The following FAM193A variants were observed in gnomAD, a reference collection of about 807,000 sequenced individuals.
FAM193A encodes the protein protein FAM193A.
Under a neutral mutation model 126.5 loss-of-function variants are expected in FAM193A, and 22 were observed. That is an observed-to-expected ratio of 0.17 (90% CI 0.12 to 0.25). FAM193A has a LOEUF of 0.25. Among genes scored for constraint, FAM193A ranks in the 10% least tolerant of loss-of-function variants. The pLI is 1.00. For missense variants in FAM193A, 1,675 were observed against 1,672.8 expected (o/e 1.00, Z -0.02); for synonymous variants, 761 against 646.8 (o/e 1.18, Z -2.68).
intron 1 of FAM193A, among the ~76,000 whole-genome samples, chr4:2,584,269 T>C (rs1740108422): frequency 6.6e-6 from 1 of 152,000 alleles, no homozygotes; most frequent in Admixed American, 6.6e-5. Context: ...ACAACATTTC[T>C]TAAAAAAATT....
chr4:2,712,489 G>A (rs950820272), intron 19 of FAM193A, among the ~76,000 whole-genome samples: 5 of 152,124 alleles, frequency 3.3e-5, no homozygotes, highest in African/African-American at 4.8e-5. Flanking sequence ...CTCTGTCTGC[G>A]TTGTGACTGC....
chr4:2,583,487 G>T (rs1740068125), intron 1 of FAM193A, among the ~76,000 whole-genome samples: 1 of 152,104 alleles, frequency 6.6e-6, no homozygotes, highest in South Asian at 2.1e-4. Flanking sequence ...AAGGATTTGA[G>T]TGGAATTTCT....
chr4:2,714,081 TTCC>T (rs1223501008), intron 19 of FAM193A, among the ~76,000 whole-genome samples: 1 of 152,202 alleles, frequency 6.6e-6, no homozygotes, highest in Non-Finnish European at 1.5e-5. Context: ...CCAGCTCTTT[TTCC>T]TCCTCAAGTT....
rs1716878153 is a variant in FAM193A at position 2,695,022 on chromosome 4, G to A, written c.3169G>A (p.Asp1057Asn). The A allele has an allele frequency of 6.2e-7, 1 of 1,610,734 alleles. No homozygotes were observed. The highest frequency in any genetic ancestry group is 8.5e-7 in the Non-Finnish European group (1 of 1,178,670). The change falls in exon 17 of 21, where the codon GAT (aspartate) becomes AAT (asparagine). Residue 1057 changes from aspartate to asparagine, a missense_variant. Asp to Asn is a conservative substitution (Grantham distance 23, BLOSUM62 1). Transcript: ENST00000637812. ...GCAGGATGATGGGGACGAGAGTGCA[G>A]ATGAGGACAGCTGCTCTGAGCACAG... ...PQQDDGDESA[D>N]EDSCSEHSSS... is the part of the protein sequence containing the mutation.
At chr4:2,673,943 C>G (rs1208716499) in intron 13 of FAM193A, among the ~76,000 whole-genome samples, 1 of 152,094 alleles carries the variant, frequency 6.6e-6, no homozygotes, top group African/African-American at 2.4e-5. Flanking sequence ...TTAGGAGCAT[C>G]ATTTGTATCT....
chr4:2,601,335 C>T (rs909238371), intron 2 of FAM193A, among the ~76,000 whole-genome samples: 12 of 148,106 alleles, frequency 8.1e-5, no homozygotes, highest in African/African-American at 3.0e-4. Flanking sequence ...CGGGTTCAAG[C>T]GATTCTGGTG....
intron 2 of FAM193A, among the ~76,000 whole-genome samples, chr4:2,622,113 C>T (rs111798065): frequency 1.8e-4 from 28 of 152,016 alleles, no homozygotes; most frequent in African/African-American, 6.5e-4. Flanking sequence ...AAAATTAAGC[C>T]AGGTGTGGTG....
chr4:2,693,392 A>G (rs1330485287), intron 15 of FAM193A, among the ~76,000 whole-genome samples, 194 bp from the exon 16 acceptor site: 3 of 152,188 alleles, frequency 2.0e-5, no homozygotes, highest in Admixed American at 2.0e-4. Flanking sequence ...GGTGAGTGTA[A>G]CTTGCAGACG....
chr4:2,552,634 T>C (rs1578580725), intron 1 of FAM193A, among the ~76,000 whole-genome samples: 2 of 151,600 alleles, frequency 1.3e-5, no homozygotes, highest in African/African-American at 4.8e-5. Flanking sequence ...GCCTCCTGGG[T>C]TCATGCCATT....
chr4:2,587,272 G>T (rs1036597524), intron 1 of FAM193A, among the ~76,000 whole-genome samples: 4 of 152,148 alleles, frequency 2.6e-5, no homozygotes, highest in African/African-American at 9.7e-5. Flanking sequence ...GGGAAAGGAG[G>T]TGCCAGGCTG....
intron 6 of FAM193A, among the ~76,000 whole-genome samples, chr4:2,642,045 C>G (rs1240335616): frequency 6.7e-6 from 1 of 149,990 alleles, no homozygotes; most frequent in Admixed American, 6.7e-5. Flanking sequence ...AATGCCAGCA[C>G]TTTGGGAGGT....
At chr4:2,597,778 C>CT (rs1208842499) in intron 2 of FAM193A, among the ~76,000 whole-genome samples, 1 of 152,140 alleles carries the variant, frequency 6.6e-6, no homozygotes, top group Non-Finnish European at 1.5e-5. Context: ...AAGATTCACT[C>CT]TTTTTTTACT....
Position 2,732,405 on chromosome 4 carries a change from C to T in FAM193A, c.*537C>T, listed in dbSNP as rs10311. 4.5e-3 allele frequency: 732 copies of T among 163,688 alleles called. 3 individuals carry two copies. The highest frequency in any genetic ancestry group is 7.7e-3 in the Non-Finnish European group (576 of 74,772). 10.1% of individuals were successfully genotyped at this position (163,688 alleles called of 1,614,324 possible). ...AGCTTGTGTAAGATCCCTTGCAGAA[C>T]GAGAAAGTTAAAAACAAGCCCACCC... On this transcript the variant is annotated 3_prime_UTR_variant, in exon 21 of 21. Coordinates refer to ENST00000637812, the MANE Select transcript of FAM193A (RefSeq NM_001366318.2).
chr4:2,703,656 G>A (rs1359263467), intron 19 of FAM193A, among the ~76,000 whole-genome samples: 3 of 152,196 alleles, frequency 2.0e-5, no homozygotes, highest in Admixed American at 1.3e-4. Context: ...CCAGAAGGGA[G>A]AGGGCTGGGT....
intron 20 of FAM193A, among the ~76,000 whole-genome samples, chr4:2,723,116 A>G (rs1249947638): frequency 1.3e-5 from 2 of 152,058 alleles, no homozygotes; most frequent in Admixed American, 6.6e-5. Context: ...TACTAAAAAT[A>G]CAAAAAAATT....
chr4:2,617,035 GC>G (rs1269318053), intron 2 of FAM193A, among the ~76,000 whole-genome samples: 1 of 145,160 alleles, frequency 6.9e-6, no homozygotes, highest in Non-Finnish European at 1.5e-5. Context: ...GGGTGTGGTG[GC>G]ACATGCCTGT....
Position 2,695,140 on chromosome 4 carries a change from GAGGT to G in FAM193A, c.3276+12_3276+15del, listed in dbSNP as rs1716889395. On this transcript the variant is annotated intron_variant, in intron 17 of 20. Coordinates refer to ENST00000637812, the MANE Select transcript of FAM193A (RefSeq NM_001366318.2). ...TTTGGGCACGGCGGGGTGAGTGCAT[GAGGT>G]CAGCGCATCATGATGTGGGAAGTGT... is the stretch of plus-strand genomic sequence containing the variant. The G allele has an allele frequency of 6.3e-7, 1 of 1,583,844 alleles. No homozygotes were observed. The highest frequency in any genetic ancestry group is 8.6e-7 in the Non-Finnish European group (1 of 1,164,104).
At chr4:2,629,872 C>T (rs1428553403) in intron 4 of FAM193A, among the ~76,000 whole-genome samples, 1 of 152,158 alleles carries the variant, frequency 6.6e-6, no homozygotes, top group East Asian at 1.9e-4. Context: ...TGGCTCACGC[C>T]TGTAAGTCCC....
At chr4:2,610,771 CTT>C (rs1741819693) in intron 2 of FAM193A, among the ~76,000 whole-genome samples, 2 of 151,682 alleles carry the variant, frequency 1.3e-5, no homozygotes, top group Non-Finnish European at 2.9e-5. Flanking sequence ...GAGTTTCGCT[CTT>C]GTCACCCAGG....
Sources: allele counts gnomAD v4.1 joint callset (sites outside exome capture counted in the v4.1 genomes callset), GRCh38; gene constraint gnomAD v4.1.1; transcripts MANE v1.5; gene names NCBI Gene and HGNC (gene_info 2026-07-23, HGNC 2026-07-21).